SETD7: variants seen among roughly 807,000 people sequenced by gnomAD.
SETD7 encodes the protein histone-lysine N-methyltransferase SETD7.
Under a neutral mutation model 41.8 loss-of-function variants are expected in SETD7, and 16 were observed. The observed-to-expected ratio is 0.38, with a 90% CI of 0.26 to 0.58. SETD7 has a LOEUF of 0.58. Ranked by LOEUF, SETD7 falls within the 20% of genes least tolerant of loss-of-function variation. The pLI is 0.64. For missense variants in SETD7, 346 were observed against 459.7 expected (o/e 0.75, Z 2.26); for synonymous variants, 163 against 169.7 (o/e 0.96, Z 0.31).
At chr4:139,538,483 C>A (rs961643119) in intron 2 of SETD7, among the ~76,000 whole-genome samples, 2 of 152,136 alleles carry the variant, frequency 1.3e-5, no homozygotes, top group Non-Finnish European at 2.9e-5. Flanking sequence ...GTGTGTGCCA[C>A]CAAACCTGGT....
At chr4:139,498,590 A>G (rs1202462585) in intron 7 of SETD7, among the ~76,000 whole-genome samples, 1 of 152,146 alleles carries the variant, frequency 6.6e-6, no homozygotes, top group Non-Finnish European at 1.5e-5. Context: ...TGAATAACAA[A>G]CTATTGTTGG....
intron 7 of SETD7, among the ~76,000 whole-genome samples, chr4:139,516,158 T>G (rs530901161): frequency 7.2e-5 from 11 of 152,162 alleles, no homozygotes; most frequent in African/African-American, 2.6e-4. Context: ...GGAAACCCAT[T>G]TGGGCTTATT....
downstream of SETD7, among the ~76,000 whole-genome samples, chr4:139,501,297 T>C (rs78418526): frequency 7.9e-3 from 1,198 of 152,266 alleles, 19 homozygotes; most frequent in African/African-American, 0.027. Context: ...TGGATGAAGC[T>C]GGAGGCCATT....
chr4:139,503,623 CT>C (rs767652063), downstream of SETD7, among the ~76,000 whole-genome samples: 8 of 151,336 alleles, frequency 5.3e-5, no homozygotes, highest in South Asian at 2.1e-4. Flanking sequence ...TACAGCCCCC[CT>C]GATAAATTCT....
At chr4:139,542,846 G>A (rs888868728) in intron 2 of SETD7, among the ~76,000 whole-genome samples, 2 of 151,980 alleles carry the variant, frequency 1.3e-5, no homozygotes, top group East Asian at 3.8e-4. Context: ...TATCTCATTC[G>A]ATGTCAAGGG....
At chr4:139,544,477 T>G (rs1727878840) in intron 2 of SETD7, among the ~76,000 whole-genome samples, 1 of 152,098 alleles carries the variant, frequency 6.6e-6, no homozygotes, top group East Asian at 1.9e-4. Flanking sequence ...AATTAATGCA[T>G]TTGTCTGACA....
At chr4:139,537,453 C>T (rs935681520) in intron 2 of SETD7, among the ~76,000 whole-genome samples, 9 of 151,134 alleles carry the variant, frequency 6.0e-5, no homozygotes, top group South Asian at 4.2e-4. Context: ...ACAGAGCCTA[C>T]TCATCATCCG....
At chr4:139,523,583 A>G in intron 4 of SETD7, 148 bp from the exon 5 acceptor site, 1 of 545,678 alleles carries the variant, frequency 1.8e-6, no homozygotes. Context: ...TTCAATTTAA[A>G]TGGATACATT....
intron 2 of SETD7, among the ~76,000 whole-genome samples, chr4:139,533,574 A>G (rs929880485): frequency 1.1e-4 from 17 of 152,192 alleles, no homozygotes; most frequent in Non-Finnish European, 2.2e-4. Flanking sequence ...TTAATACCCA[A>G]TCTCATGGTT....
chr4:139,553,760 G>T (rs1728177620), intron 1 of SETD7, among the ~76,000 whole-genome samples: 1 of 152,202 alleles, frequency 6.6e-6, no homozygotes, highest in African/African-American at 2.4e-5. Context: ...CTATGACAAT[G>T]AAACTACTGA....
chr4:139,528,223 A>G (rs1247953563), intron 4 of SETD7, among the ~76,000 whole-genome samples: 1 of 152,228 alleles, frequency 6.6e-6, no homozygotes, highest in Non-Finnish European at 1.5e-5. Flanking sequence ...TGACATGTGT[A>G]CTTCTAAAAG....
chr4:139,499,478 C>A (rs919032240), intron 7 of SETD7, among the ~76,000 whole-genome samples: 2 of 152,160 alleles, frequency 1.3e-5, no homozygotes, highest in African/African-American at 4.8e-5. Flanking sequence ...TACTGTGAAA[C>A]CTGAAGAATC....
chr4:139,544,195 G>C (rs1341264319), intron 2 of SETD7, among the ~76,000 whole-genome samples: 2 of 151,954 alleles, frequency 1.3e-5, no homozygotes, highest in South Asian at 4.2e-4. Flanking sequence ...AGGAAGCTGA[G>C]GTGGGAGGAT....
chr4:139,516,261 T>G (rs1177073096), intron 7 of SETD7, among the ~76,000 whole-genome samples: 1 of 139,250 alleles, frequency 7.2e-6, no homozygotes, highest in African/African-American at 2.7e-5. Flanking sequence ...AGGTCAGGAG[T>G]TCAAGACCAG....
chr4:139,547,455 G>A (rs1727995747), intron 1 of SETD7, among the ~76,000 whole-genome samples: 1 of 152,226 alleles, frequency 6.6e-6, no homozygotes. Flanking sequence ...TAACTGAAGT[G>A]TGGTTGAGAT....
chr4:139,528,397 A>T (rs1284497260), intron 4 of SETD7, among the ~76,000 whole-genome samples: 1 of 152,180 alleles, frequency 6.6e-6, no homozygotes, highest in Non-Finnish European at 1.5e-5. Context: ...TTGGTTCTTT[A>T]TTATCATAGT....
intron 7 of SETD7, among the ~76,000 whole-genome samples, chr4:139,516,820 A>G (rs909564042): frequency 1.3e-5 from 2 of 152,130 alleles, no homozygotes; most frequent in Non-Finnish European, 2.9e-5. Flanking sequence ...GGCAACCATC[A>G]CCATCATCTA....
chr4:139,518,232 G>A lies in SETD7; in HGVS notation c.763-190C>T, dbSNP rs144250243. 2.0e-4 allele frequency among the ~76,000 whole-genome samples: 30 copies of A among 152,262 alleles called. 1 individual carries two copies. In the East Asian group the frequency reaches 5.8e-3, roughly 29 times the overall value. On this transcript the variant is annotated intron_variant, in intron 6 of 7. Coordinates refer to ENST00000274031, the MANE Select transcript of SETD7 (RefSeq NM_030648.4). ...CAACCTCTGCCTCCCAGGTTCAAGC[G>A]ACTCTTGTGCCTCAGCCTCCTGAGC... is the stretch of plus-strand genomic sequence containing the variant.
In SETD7 at chr4:139,533,170, A is replaced by ATT; in HGVS notation, c.366_367insAA (p.Tyr123AsnfsTer9). The ATT allele has an allele frequency of 6.2e-7, 1 of 1,612,840 alleles. No individual in the cohort carries two copies. The highest frequency in any genetic ancestry group is 8.5e-7 in the Non-Finnish European group (1 of 1,178,832). ...TGAACAGTCACACGGCTTACTGGGT[A>ATT]ATATATCCAGCACACTCCATGACGA... On this transcript the variant is annotated frameshift_variant, in exon 3 of 8. Coordinates refer to ENST00000274031, the MANE Select transcript of SETD7 (RefSeq NM_030648.4). LOFTEE classifies it high-confidence loss of function.
Sources: allele counts gnomAD v4.1 joint callset (sites outside exome capture counted in the v4.1 genomes callset), GRCh38; gene constraint gnomAD v4.1.1; transcripts MANE v1.5; gene names NCBI Gene and HGNC (gene_info 2026-07-23, HGNC 2026-07-21).